RBFOX1: variants seen among roughly 807,000 people sequenced by gnomAD.
RBFOX1 encodes RNA binding protein fox-1 homolog 1.
A neutral mutation model predicts 57.7 loss-of-function variants in RBFOX1; 8 were observed. That is an observed-to-expected ratio of 0.14 (90% CI 0.08 to 0.25). The LOEUF (loss-of-function observed/expected upper bound fraction) is 0.25, where lower values mean the gene tolerates loss of function less well. RBFOX1 is among the 10% of genes least tolerant of loss of function. RBFOX1 has a pLI of 1.00. For synonymous variants in RBFOX1, 326 were observed against 222.4 expected, an observed-to-expected ratio of 1.47 and a Z score of -4.15; for missense variants, 611 against 548.5, an observed-to-expected ratio of 1.11 and a Z score of -1.14.
chr16:5,557,465 A>T (rs1427860955), intron 2 of RBFOX1, among the ~76,000 whole-genome samples: 1 of 152,024 alleles, frequency 6.6e-6, no homozygotes, highest in East Asian at 1.9e-4. Context: ...ATACATTTTG[A>T]TGCATAATAT....
chr16:5,441,983 A>G (rs1000801386), intron 1 of RBFOX1, among the ~76,000 whole-genome samples: 2 of 152,214 alleles, frequency 1.3e-5, no homozygotes, highest in Non-Finnish European at 2.9e-5. Flanking sequence ...AACCATATCA[A>G]TCAGTAAGAC....
chr16:7,226,741 A>T (rs2093148667), intron 4 of RBFOX1, among the ~76,000 whole-genome samples: 1 of 152,234 alleles, frequency 6.6e-6, no homozygotes, highest in African/African-American at 2.4e-5. Context: ...GTTAATCAAG[A>T]GGACTGGTAG....
intron 1 of RBFOX1, among the ~76,000 whole-genome samples, chr16:6,029,614 A>T (rs538518083): frequency 2.0e-5 from 3 of 152,092 alleles, no homozygotes; most frequent in African/African-American, 7.2e-5. Context: ...TCTACTAAAA[A>T]TACAAAAAAT....
At chr16:6,534,474 C>T (rs1166634664) in intron 2 of RBFOX1, among the ~76,000 whole-genome samples, 1 of 152,088 alleles carries the variant, frequency 6.6e-6, no homozygotes, top group Non-Finnish European at 1.5e-5. Context: ...ATATTTACCT[C>T]TAGGCTGTCC....
chr16:5,905,861 C>G (rs898532242), intron 4 of RBFOX1, among the ~76,000 whole-genome samples: 22 of 152,194 alleles, frequency 1.4e-4, no homozygotes, highest in African/African-American at 5.1e-4. Flanking sequence ...ATGCCTCCTC[C>G]GGAAGCCTTC....
chr16:6,646,693 C>T lies in RBFOX1; in HGVS notation c.-63-7910C>T, dbSNP rs138276566. ...CAGACAGAGAGCTGCTTTTCCTCAC[C>T]TCGTTTCTCAGTGGTATTTTCTAGG... is the stretch of plus-strand genomic sequence containing the variant. On this transcript the variant is annotated intron_variant, in intron 2 of 15. Coordinates refer to ENST00000550418, the MANE Select transcript of RBFOX1 (RefSeq NM_018723.4). Among the ~76,000 whole-genome samples, 207 of 152,132 alleles carry T rather than the reference C, an allele frequency of 1.4e-3. 1 individual carries two copies. Among genetic ancestry groups the T allele is most frequent in the African/African-American group, 4.6e-3 (189 of 41,510 alleles).
At chr16:5,466,498 C>G (rs1364410074) in intron 1 of RBFOX1, among the ~76,000 whole-genome samples, 2 of 152,200 alleles carry the variant, frequency 1.3e-5, no homozygotes, top group Non-Finnish European at 2.9e-5. Flanking sequence ...AGAGTACTCA[C>G]AGAGTGAGGT....
intron 5 of RBFOX1, among the ~76,000 whole-genome samples, chr16:7,567,656 T>G (rs1367512110): frequency 8.0e-6 from 1 of 124,524 alleles, no homozygotes; most frequent in Non-Finnish European, 1.7e-5. Flanking sequence ...TGGCCCTATA[T>G]ATATATATCC....
At chr16:6,887,725 C>T (rs1435976269) in intron 3 of RBFOX1, among the ~76,000 whole-genome samples, 1 of 151,392 alleles carries the variant, frequency 6.6e-6, no homozygotes, top group African/African-American at 2.4e-5. Flanking sequence ...TGCCCTGGTG[C>T]AATCTTGGCT....
chr16:6,420,853 T>C (rs1315014726), intron 2 of RBFOX1, among the ~76,000 whole-genome samples: 1 of 152,182 alleles, frequency 6.6e-6, no homozygotes, highest in African/African-American at 2.4e-5. Flanking sequence ...ATGTGTGGGA[T>C]GAGGGTGACA....
chr16:6,203,995 T>TTC (rs2097235778), intron 1 of RBFOX1, among the ~76,000 whole-genome samples: 1 of 151,438 alleles, frequency 6.6e-6, no homozygotes, highest in African/African-American at 2.4e-5. Flanking sequence ...TTTTTTTTTT[T>TTC]CGTGAATGAC....
rs1296298592 is a variant in RBFOX1, at chr16:6,923,996, C to A, written c.-15-128061C>A. On this transcript the variant is annotated intron_variant, in intron 3 of 15. Transcript: ENST00000550418. The stretch of plus-strand genomic sequence containing the variant: ...ACCATCCTGGCCAACATGGTGAAAC[C>A]CTGTCTCTACTAAAAATACAAACAT... Among the ~76,000 whole-genome samples the A allele has an allele frequency of 2.6e-5, 4 of 151,850 alleles. No individual in the cohort carries two copies. The East Asian group carries it at 5.8e-4, about 22-fold the overall frequency.
intron 2 of RBFOX1, among the ~76,000 whole-genome samples, chr16:6,389,512 CTG>C (rs2092483107): frequency 6.6e-6 from 1 of 152,180 alleles, no homozygotes; most frequent in Non-Finnish European, 1.5e-5. Flanking sequence ...TGTATCATCT[CTG>C]TGGTTTTTCA....
intron 3 of RBFOX1, among the ~76,000 whole-genome samples, chr16:5,763,363 G>C (rs2053654226): frequency 6.6e-6 from 1 of 152,190 alleles, no homozygotes; most frequent in Non-Finnish European, 1.5e-5. Context: ...GCTTGGGGGT[G>C]ACTCGCTCCC....
At chr16:6,806,823 T>TAAATGTATATATATAA (rs1236234265) in intron 3 of RBFOX1, among the ~76,000 whole-genome samples, 1 of 83,708 alleles carries the variant, frequency 1.2e-5, no homozygotes, top group African/African-American at 4.6e-5. Context: ...TATAAATATA[T>TAAATGTATATATATAA]ATATATATAT....
chr16:6,565,388 G>C (rs1230944684), intron 2 of RBFOX1, among the ~76,000 whole-genome samples: 1 of 152,000 alleles, frequency 6.6e-6, no homozygotes, highest in African/African-American at 2.4e-5. Context: ...CTCCCAAGTA[G>C]CTGGAACTAC....
intron 3 of RBFOX1, among the ~76,000 whole-genome samples, chr16:6,840,528 A>C (rs9889125): frequency 6.6e-6 from 1 of 151,854 alleles, no homozygotes; most frequent in African/African-American, 2.4e-5. Flanking sequence ...AGTATTAGAA[A>C]ATGGGATCTT....
At chr16:6,388,573 C>A (rs1338094693) in intron 2 of RBFOX1, among the ~76,000 whole-genome samples, 1 of 151,764 alleles carries the variant, frequency 6.6e-6, no homozygotes, top group South Asian at 2.1e-4. Context: ...TACTACTCAG[C>A]CTTAAAAAGA....
Position 5,903,285 on chromosome 16 carries a change from G to T in RBFOX1, c.351+35950G>T, listed in dbSNP as rs72769087. Among the ~76,000 whole-genome samples, 1,220 of 152,116 alleles carry T rather than the reference G, an allele frequency of 8.0e-3. 9 individuals are homozygous for T. The highest frequency in any genetic ancestry group is 0.034 in the Middle Eastern group (10 of 294). ...CTCTGACATATTTCACCACTGCTTC[G>T]TCATCCTCCCTCTTGCCCTCCCTGC... is the stretch of plus-strand genomic sequence containing the variant. On this transcript the variant is annotated intron_variant, in intron 4 of 19. Coordinates refer to the RBFOX1 transcript ENST00000641259.
Sources: allele counts gnomAD v4.1 joint callset (sites outside exome capture counted in the v4.1 genomes callset), GRCh38; gene constraint gnomAD v4.1.1; transcripts MANE v1.5; gene names NCBI Gene and HGNC (gene_info 2026-07-23, HGNC 2026-07-21).